SEC63: variants seen among roughly 807,000 people sequenced by gnomAD.
SEC63 encodes the protein translocation protein SEC63 homolog.
SEC63 carries 56 observed loss-of-function variants against 116.2 expected under a neutral mutation model. The ratio of observed to expected loss-of-function variants is 0.48; its 90% CI spans 0.39 to 0.60. The LOEUF is 0.60. Ranked by LOEUF, SEC63 falls within the 20% of genes least tolerant of loss-of-function variation. SEC63 has a pLI of 0.00. For missense variants in SEC63, 668 were observed against 900.0 expected, an observed-to-expected ratio of 0.74 and a Z score of 3.30; for synonymous variants, 273 against 294.6, an observed-to-expected ratio of 0.93 and a Z score of 0.75.
At chr6:107,954,207 C>A (rs1345377120) in intron 1 of SEC63, among the ~76,000 whole-genome samples, 1 of 152,004 alleles carries the variant, frequency 6.6e-6, no homozygotes, top group African/African-American at 2.4e-5. Flanking sequence ...TGTGTCCACT[C>A]AGGGTTAAAT....
Position 107,958,062 on chromosome 6 carries a change from C to G in SEC63, c.-53G>C. Reference sequence around the variant, plus strand: ...TCACCGCCGCCGCCACGACCACGCTCTGCACTCCCGCTCCCAACGCCCCGG... The same window carrying G: ...TCACCGCCGCCGCCACGACCACGCTGTGCACTCCCGCTCCCAACGCCCCGG... On this transcript the variant is annotated 5_prime_UTR_variant, in exon 1 of 21. Transcript: ENST00000369002. 3 of 1,601,220 alleles carry G rather than the reference C, an allele frequency of 1.9e-6. No homozygotes were observed. The highest frequency in any genetic ancestry group is 2.6e-6 in the Non-Finnish European group (3 of 1,171,460).
At chr6:107,886,577 T>C (rs1786533938) in intron 16 of SEC63, among the ~76,000 whole-genome samples, 1 of 152,188 alleles carries the variant, frequency 6.6e-6, no homozygotes, top group Admixed American at 6.5e-5. Context: ...TATCTCATTG[T>C]GGTTTTGATT....
At chr6:107,944,591 G>A (rs935735969) in intron 1 of SEC63, among the ~76,000 whole-genome samples, 2 of 152,142 alleles carry the variant, frequency 1.3e-5, no homozygotes, top group African/African-American at 4.8e-5. Flanking sequence ...CAAGTACTCA[G>A]GAGGCTGAGG....
intron 1 of SEC63, among the ~76,000 whole-genome samples, chr6:107,952,412 G>C (rs557916814): frequency 5.3e-5 from 8 of 152,186 alleles, no homozygotes; most frequent in African/African-American, 1.7e-4. Flanking sequence ...CTTAAAAATT[G>C]AAAGTCCCAA....
intron 4 of SEC63, among the ~76,000 whole-genome samples, chr6:107,913,787 TCA>T (rs1235340794): frequency 6.6e-6 from 1 of 152,210 alleles, no homozygotes. Flanking sequence ...CCTTATACTC[TCA>T]TATATTTTCC....
intron 14 of SEC63, among the ~76,000 whole-genome samples, chr6:107,896,978 C>CA (rs1562320153): frequency 8.5e-6 from 1 of 117,748 alleles, no homozygotes; most frequent in Non-Finnish European, 1.7e-5. Flanking sequence ...GAAACTCCGT[C>CA]AAAAAAGAAA....
intron 10 of SEC63, 71 bp from the exon 11 acceptor site, chr6:107,904,792 C>T: frequency 9.1e-7 from 1 of 1,097,222 alleles, no homozygotes; most frequent in South Asian, 1.2e-5. Context: ...TCACTGTGGC[C>T]CAAAACTAAT....
At chr6:107,913,486 C>T in intron 4 of SEC63, 59 bp from the exon 5 acceptor site, 1 of 1,199,802 alleles carries the variant, frequency 8.3e-7, no homozygotes, top group Non-Finnish European at 1.2e-6. Flanking sequence ...AACAAGTACT[C>T]ATATAGACAA....
Position 107,921,915 on chromosome 6 carries a change from GAAAAA to G in SEC63, c.340-11_340-7del. 2 of 1,104,752 alleles carry G rather than the reference GAAAAA, an allele frequency of 1.8e-6. No individual in the cohort carries two copies. The highest frequency in any genetic ancestry group is 2.5e-6 in the Non-Finnish European group (2 of 814,554). 68.4% of individuals were successfully genotyped at this position (1,104,752 alleles called of 1,614,324 possible). On this transcript the variant is annotated splice_region_variant and splice_polypyrimidine_tract_variant and intron_variant, in intron 3 of 20. Coordinates refer to ENST00000369002, the MANE Select transcript of SEC63 (RefSeq NM_007214.5). The stretch of plus-strand genomic sequence containing the variant: ...ATTTCTGCTACTGTGGCTCCCTGGG[GAAAAA>G]CAAAAAAAAAAAACAAGCTTTCTGT...
intron 14 of SEC63, among the ~76,000 whole-genome samples, chr6:107,895,534 C>A (rs1324423071): frequency 6.6e-6 from 1 of 151,838 alleles, no homozygotes; most frequent in Non-Finnish European, 1.5e-5. Context: ...CACAGTGAGA[C>A]CTCCATCTCT....
intron 1 of SEC63, among the ~76,000 whole-genome samples, chr6:107,945,434 G>A (rs975966763): frequency 6.6e-6 from 1 of 151,488 alleles, no homozygotes; most frequent in Non-Finnish European, 1.5e-5. Context: ...AGCCTCCCGA[G>A]CAGCTGGGAC....
intron 1 of SEC63, among the ~76,000 whole-genome samples, chr6:107,949,609 T>C (rs940186611): frequency 2.0e-5 from 3 of 151,938 alleles, no homozygotes; most frequent in South Asian, 2.1e-4. Context: ...AGAAAACAAA[T>C]AGCAAAATGA....
At chr6:107,939,904 A>C (rs1248251322) in intron 1 of SEC63, among the ~76,000 whole-genome samples, 1 of 152,200 alleles carries the variant, frequency 6.6e-6, no homozygotes, top group Non-Finnish European at 1.5e-5. Flanking sequence ...CAAAAATAAA[A>C]GTCATCCAGT....
At chr6:107,908,312 A>G (rs1447197190) in intron 8 of SEC63, among the ~76,000 whole-genome samples, 1 of 148,586 alleles carries the variant, frequency 6.7e-6, no homozygotes, top group African/African-American at 2.5e-5. Context: ...TTTGCTTTAT[A>G]TAATCAAAGA....
At chr6:107,893,963 G>T in intron 14 of SEC63, 66 bp from the exon 15 acceptor site, 1 of 1,537,312 alleles carries the variant, frequency 6.5e-7, no homozygotes, top group Non-Finnish European at 9.0e-7. Context: ...GACAAACAAA[G>T]CAATCTTTCA....
rs1201239663 is a variant in SEC63 at position 107,876,546 on chromosome 6, A to G, written c.2034+18T>C. 4 of 1,433,326 alleles carry G rather than the reference A, an allele frequency of 2.8e-6. No individual in the cohort carries two copies. The highest frequency in any genetic ancestry group is 3.9e-6 in the Non-Finnish European group (4 of 1,017,542). The allele number at this position is 1,433,326 out of a possible 1,614,324, so 88.8% of individuals were successfully genotyped here. On this transcript the variant is annotated intron_variant, in intron 19 of 20. Coordinates refer to ENST00000369002, the MANE Select transcript of SEC63 (RefSeq NM_007214.5). ...CTGTGCCTTGTTAAACACTGAAATC[A>G]TGTTGCTTGATAGTTACCTCCTCTG...
intron 1 of SEC63, among the ~76,000 whole-genome samples, chr6:107,934,088 C>A (rs538401027): frequency 1.0e-3 from 153 of 152,318 alleles, no homozygotes; most frequent in African/African-American, 3.4e-3. Context: ...CACCTCCCAG[C>A]CGCCTGCCTT....
At chr6:107,888,950 G>A (rs549500425) in intron 16 of SEC63, among the ~76,000 whole-genome samples, 4 of 152,288 alleles carry the variant, frequency 2.6e-5, no homozygotes, top group East Asian at 1.9e-4. Context: ...CAACTTGATC[G>A]TGGTGGATAA....
chr6:107,924,741 T>C, intron 3 of SEC63, 77 bp downstream of exon 3: 1 of 757,940 alleles, frequency 1.3e-6, no homozygotes, highest in Non-Finnish European at 2.4e-6. Flanking sequence ...GAATAGACAA[T>C]TTCTTTTAGA....
Sources: gnomAD v4.1 joint callset for allele counts (sites outside exome capture counted in the v4.1 genomes callset) on GRCh38, gnomAD v4.1.1 for gene constraint, MANE v1.5 for transcripts, NCBI Gene and HGNC (gene_info 2026-07-23, HGNC 2026-07-21) for gene names.